The following SIPA1 variants were observed in gnomAD, a reference collection of about 807,000 sequenced individuals.
The protein encoded by SIPA1 is signal-induced proliferation-associated protein 1.
A neutral mutation model predicts 88.1 loss-of-function variants in SIPA1; 51 were observed. The ratio of observed to expected loss-of-function variants is 0.58; its 90% confidence interval spans 0.46 to 0.73. SIPA1 has a LOEUF of 0.73. SIPA1 is among the 30% of genes least tolerant of loss of function. The pLI, the probability that SIPA1 is intolerant of heterozygous loss-of-function variation, is 0.00. For missense variants in SIPA1, 1,348 were observed against 1,467.6 expected, an observed-to-expected ratio of 0.92 and a Z score of 1.33; for synonymous variants, 681 against 664.8, an observed-to-expected ratio of 1.02 and a Z score of -0.37.
rs915213584 is a variant in SIPA1 at position 65,650,559 on chromosome 11, G to C, written c.2983-10G>C. On this transcript the variant is annotated splice_polypyrimidine_tract_variant and intron_variant, in intron 15 of 15. Coordinates refer to ENST00000534313, the MANE Select transcript of SIPA1 (RefSeq NM_006747.4). ...TGGCGGCTCTGACTCCTGTCTCCCC[G>C]GCACCCCAGGAGAAGGCGGACAGGG... is the stretch of plus-strand genomic sequence containing the variant. 4.4e-6 allele frequency: 7 copies of C among 1,607,904 alleles called. No individual in the cohort carries two copies. Among genetic ancestry groups the C allele is most frequent in the Non-Finnish European group, 5.9e-6 (7 of 1,176,924 alleles).
At chr11:65,640,713 G>A in intron 1 of SIPA1, 118 bp from the exon 2 acceptor site, 1 of 509,368 alleles carries the variant, frequency 2.0e-6, no homozygotes, top group Non-Finnish European at 3.4e-6. Flanking sequence ...GAAAGCGGAA[G>A]CAGCTTTGAT....
chr11:65,643,434 TTCAACCCATCAG>T, intron 4 of SIPA1, among the ~76,000 whole-genome samples: 1 of 152,244 alleles, frequency 6.6e-6, no homozygotes, highest in East Asian at 1.9e-4. Flanking sequence ...CTCTGTATCA[TTCAACCCATCAG>T]TCATTCAACA....
Position 65,646,426 on chromosome 11 carries a change from C to A in SIPA1, c.1422-30C>A, listed in dbSNP as rs761929318. ...GTCTCCCGTGGGCATGGAGTCCTGC[C>A]GCCCCTCACTAACGCCTCCCTCCCC... On this transcript the variant is annotated intron_variant, in intron 7 of 15. Transcript: ENST00000534313. The surrounding 1 kb of genome is among the most constrained non-coding windows in gnomAD (Gnocchi z 7.5). The A allele has an allele frequency of 1.5e-5, 24 of 1,596,064 alleles. No individual in the cohort carries two copies. The highest frequency in any genetic ancestry group is 2.0e-5 in the Non-Finnish European group (24 of 1,174,754).
In SIPA1 at chr11:65,641,052, G is replaced by A. The variant is rs989383767; in HGVS notation, c.131G>A (p.Arg44Lys). 4.4e-6 allele frequency: 7 copies of A among 1,596,414 alleles called. No homozygotes were observed. The highest frequency in any genetic ancestry group is 1.3e-5 in the African/African-American group (1 of 74,750). Residue 44 changes from arginine to lysine, a missense_variant, in exon 2 of 16, where the codon AGG (arginine) becomes AAG (lysine). Arg to Lys is a conservative substitution (Grantham distance 26). Coordinates refer to ENST00000534313, the MANE Select transcript of SIPA1 (RefSeq NM_006747.4). ...CTGACACCGCACACCTTCGAGCCGA[G>A]GCCAGTCCGGGGCCCACTCCTGCGC... ...PPLTPHTFEP[R>K]PVRGPLLRSG...
chr11:65,644,241 G>C (rs921190446), intron 4 of SIPA1, among the ~76,000 whole-genome samples: 4 of 151,768 alleles, frequency 2.6e-5, no homozygotes, highest in Non-Finnish European at 5.9e-5. Flanking sequence ...TGCAGCCAGG[G>C]AGGGGGAGGA....
At position 65,647,435 on chromosome 11, in the gene SIPA1, CA is replaced by C; in HGVS notation, c.2085del (p.Gly696AlafsTer103). 1 of 1,481,370 alleles carries C rather than the reference CA, an allele frequency of 6.8e-7. No homozygotes were observed. The highest frequency in any genetic ancestry group is 8.9e-7 in the Non-Finnish European group (1 of 1,123,780). 91.8% of individuals were successfully genotyped at this position (1,481,370 alleles called of 1,614,324 possible). A position where few individuals can be genotyped will look rare whatever the true frequency, so the allele number is the denominator to read the frequency against. On this transcript the variant is annotated frameshift_variant, in exon 9 of 16. Coordinates refer to ENST00000534313, the MANE Select transcript of SIPA1 (RefSeq NM_006747.4). LOFTEE classifies it high-confidence loss of function. The stretch of plus-strand genomic sequence containing the variant: ...CGAGCTGGCGCTGCCCCGCGACGGT[CA>C]AGGCCGCCTGGGCTTCGAGGTGGAC... ...TRELALPRDG[Q>X]GRLGFEVDAE...
intron 9 of SIPA1, 107 bp from the exon 10 acceptor site, chr11:65,649,155 G>A (rs1349805579): frequency 1.7e-5 from 13 of 761,448 alleles, no homozygotes; most frequent in South Asian, 1.0e-4. Context: ...AGGATGCCGG[G>A]GAGCTCTCCT....
rs1856109200 is a variant in SIPA1 at position 65,646,171 on chromosome 11, G to A, written c.1264-50G>A. 5.0e-6 allele frequency: 8 copies of A among 1,598,884 alleles called. No homozygotes were observed. The East Asian group carries it at 1.1e-4, about 22-fold the overall frequency. On this transcript the variant is annotated intron_variant, in intron 6 of 15. Coordinates refer to ENST00000534313, the MANE Select transcript of SIPA1 (RefSeq NM_006747.4). This position sits in a 1 kb window ranked among gnomAD's most constrained non-coding sequence, Gnocchi z 7.5. ...CTTTCTCCTGCCTGAATGAGGAGGG[G>A]TTTGGGGCACAGAAGACCTCATCAC...
rs1856129320 is a variant in SIPA1, at chr11:65,646,809, G to C, written c.1775G>C (p.Arg592Pro). The change falls in exon 8 of 16, where the codon CGG becomes CCG. Residue 592 changes from arginine to proline, a missense_variant. Arg to Pro is a moderately radical substitution (Grantham distance 103, BLOSUM62 -2). Around this residue, in one of 4 missense-constraint regions of SIPA1, gnomAD observed 68 missense variants for 59.0 expected, o/e 1.15. Coordinates refer to ENST00000534313, the MANE Select transcript of SIPA1 (RefSeq NM_006747.4). This position sits in a 1 kb window ranked among gnomAD's most constrained non-coding sequence, Gnocchi z 7.5. ...GGAGTGCGCGCGGCGCCCGGGGCGC[G>C]GGTCGCCGCCGGGGCTCAGGCGAGC... Reference protein sequence around the residue: ...VWGVRAAPGARVAAGAQASGP... With the variant: ...VWGVRAAPGAPVAAGAQASGP... 1 of 1,285,744 alleles carries C rather than the reference G, an allele frequency of 7.8e-7. No individual in the cohort carries two copies. 79.6% of individuals were successfully genotyped at this position (1,285,744 alleles called of 1,614,324 possible).
At position 65,649,837 on chromosome 11, in the gene SIPA1, C is replaced by G. The variant is rs747020577; in HGVS notation, c.2718C>G (p.Thr906=). ...TGAGGGCCTCCTTTCTGCCACGTAC[C>G]TTGTCTCTGCGGAACTCCATCAGCA... is the stretch of plus-strand genomic sequence containing the variant. The part of the protein sequence containing the change: ...PELRASFLPR[T]LSLRNSISRI... The change falls in exon 12 of 16, where the codon ACC becomes ACG. Residue 906 remains threonine, a synonymous_variant. Transcript: ENST00000534313. 16 of 1,613,960 alleles carry G rather than the reference C, an allele frequency of 9.9e-6. No homozygotes were observed. In the African/African-American group the frequency reaches 1.5e-4, roughly 15 times the overall value.
In SIPA1 at chr11:65,650,813, C is replaced by G; in HGVS notation, c.*98C>G. On this transcript the variant is annotated 3_prime_UTR_variant, in exon 16 of 16. Coordinates refer to ENST00000534313, the MANE Select transcript of SIPA1 (RefSeq NM_006747.4). ...CAGAGGCGTGTCTTAGCACTGCCCC[C>G]CTCCCTAGCCCCTTATTTGGTGGCG... The G allele has an allele frequency of 7.8e-7, 1 of 1,276,610 alleles. No homozygotes were observed. Among genetic ancestry groups the G allele is most frequent in the Non-Finnish European group, 1.0e-6 (1 of 955,348 alleles). 79.1% of individuals were successfully genotyped at this position (1,276,610 alleles called of 1,614,324 possible).
rs760142255 is a variant in SIPA1 at position 65,646,964 on chromosome 11, G to A, written c.1930G>A (p.Glu644Lys). The stretch of plus-strand genomic sequence containing the variant: ...CGACGTGCTGGCCTGGACCTTCTCC[G>A]AGCAGCAGCTGGACCTGTACCACGG... The part of the protein sequence containing the change: ...CRDVLAWTFS[E>K]QQLDLYHGRG... The change falls in exon 8 of 16, where the codon GAG (glutamate) becomes AAG (lysine). Residue 644 changes from glutamate to lysine, a missense_variant. By Grantham distance (56) the Glu-to-Lys change is moderately conservative (BLOSUM62 1). Coordinates refer to ENST00000534313, the MANE Select transcript of SIPA1 (RefSeq NM_006747.4). The surrounding 1 kb of genome is among the most constrained non-coding windows in gnomAD (Gnocchi z 7.5). 1 of 1,539,796 alleles carries A rather than the reference G, an allele frequency of 6.5e-7. No individual in the cohort carries two copies. The highest frequency in any genetic ancestry group is 1.2e-5 in the South Asian group (1 of 84,234).
chr11:65,649,935 T>C lies in SIPA1; in HGVS notation c.2747-15T>C, dbSNP rs1856226953. 1 of 1,613,798 alleles carries C rather than the reference T, an allele frequency of 6.2e-7. No homozygotes were observed. The highest frequency in any genetic ancestry group is 8.5e-7 in the Non-Finnish European group (1 of 1,179,836). Reference sequence around the variant, plus strand: ...CCTGGGCTTCCCTAGCTCAGCCTGCTCCTTGTGCCCACAGTCATGTCGGAG... The same window carrying C: ...CCTGGGCTTCCCTAGCTCAGCCTGCCCCTTGTGCCCACAGTCATGTCGGAG... On this transcript the variant is annotated splice_polypyrimidine_tract_variant and intron_variant, in intron 12 of 15. Coordinates refer to ENST00000534313, the MANE Select transcript of SIPA1 (RefSeq NM_006747.4).
At position 65,642,042 on chromosome 11, in the gene SIPA1, GGGTCTA is replaced by G; in HGVS notation, c.680-202_680-197del. On this transcript the variant is annotated intron_variant, in intron 2 of 15. Transcript: ENST00000534313. The surrounding 1 kb of genome is among the most constrained non-coding windows in gnomAD (Gnocchi z 6.5). The stretch of plus-strand genomic sequence containing the variant: ...ATTTAGGCCTGGGAGCTGGCCGCGT[GGGTCTA>G]GGTCTGGGTCTGGGTCCACCTCTGG... 1 of 658,878 alleles carries G rather than the reference GGGTCTA, an allele frequency of 1.5e-6. No individual in the cohort carries two copies. The highest frequency in any genetic ancestry group is 2.5e-6 in the Non-Finnish European group (1 of 403,326). 40.8% of individuals were successfully genotyped at this position (658,878 alleles called of 1,614,324 possible).
chr11:65,647,421 T>G lies in SIPA1; in HGVS notation c.2069T>G (p.Leu690Arg). 6.8e-7 allele frequency: 1 copy of G among 1,472,798 alleles called. No individual in the cohort carries two copies. Among genetic ancestry groups the G allele is most frequent in the Non-Finnish European group, 8.9e-7 (1 of 1,119,160 alleles). The allele number at this position is 1,472,798 out of a possible 1,614,324, so 91.2% of individuals were successfully genotyped here. ...SRGCETRELALPRDGQGRLGF... is the reference protein window; with the variant it reads ...SRGCETRELARPRDGQGRLGF... ...GGCTGCGAGACCCGCGAGCTGGCGCTGCCCCGCGACGGTCAAGGCCGCCTG... is the reference window on the plus strand; with the variant it reads ...GGCTGCGAGACCCGCGAGCTGGCGCGGCCCCGCGACGGTCAAGGCCGCCTG... The change falls in exon 9 of 16, where the codon CTG becomes CGG. Residue 690 changes from leucine to arginine, a missense_variant. Leu to Arg is a moderately radical substitution (Grantham distance 102). Transcript: ENST00000534313.
intron 2 of SIPA1, among the ~76,000 whole-genome samples, chr11:65,641,963 G>C (rs1473153040): frequency 2.6e-5 from 4 of 152,164 alleles, no homozygotes; most frequent in Non-Finnish European, 5.9e-5. Context: ...GCGGAGAGAG[G>C]GCTCCAGGAC....
At position 65,641,218 on chromosome 11, in the gene SIPA1, A is replaced by G; in HGVS notation, c.297A>G (p.Pro99=). 1 of 1,612,862 alleles carries G rather than the reference A, an allele frequency of 6.2e-7. No homozygotes were observed. Among genetic ancestry groups the G allele is most frequent in the Non-Finnish European group, 8.5e-7 (1 of 1,180,010 alleles). Residue 99 remains proline (P), a synonymous_variant, in exon 2 of 16, where the codon CCA becomes CCG. Coordinates refer to ENST00000534313, the MANE Select transcript of SIPA1 (RefSeq NM_006747.4). ...ACCCGCTGGCACTGCTGGGGCTGCC[A>G]GCAGAGGAACCAGAGCCTGCCTTCC... is the stretch of plus-strand genomic sequence containing the variant. ...FTDPLALLGL[P]AEEPEPAFPP...
chr11:65,650,249 G>A, intron 14 of SIPA1, 57 bp downstream of exon 14: 1 of 1,585,670 alleles, frequency 6.3e-7, no homozygotes, highest in Non-Finnish European at 8.7e-7. Flanking sequence ...CCCCCTTCGT[G>A]CCTGTCTGCT....
Position 65,650,499 on chromosome 11 carries a change from T to C in SIPA1, c.2982+20T>C, listed in dbSNP as rs1198103594. The stretch of plus-strand genomic sequence containing the variant: ...CAGAAGGTGAGGGGTGGGCTGAGCT[T>C]GGGGGGAGTCACAGGGCTGCCCCAG... On this transcript the variant is annotated intron_variant, in intron 15 of 15. Transcript: ENST00000534313. 7 of 1,613,848 alleles carry C rather than the reference T, an allele frequency of 4.3e-6. No homozygotes were observed. The highest frequency in any genetic ancestry group is 5.9e-6 in the Non-Finnish European group (7 of 1,179,860).
Sources: gnomAD v4.1 joint callset for allele counts (sites outside exome capture counted in the v4.1 genomes callset) on GRCh38, gnomAD v4.1.1 for gene constraint, gnomAD v4.1.1 regional missense constraint, Gnocchi (gnomAD v3.1) non-coding constraint, MANE v1.5 for transcripts, NCBI Gene and HGNC (gene_info 2026-07-23, HGNC 2026-07-21) for gene names.